Variants in STPG2 observed in about 807,000 individuals in gnomAD.
The protein encoded by STPG2 is sperm-tail PG-rich repeat-containing protein 2.
Under a neutral mutation model 54.2 loss-of-function variants are expected in STPG2, and 56 were observed. The observed-to-expected ratio is 1.03, with a 90% CI of 0.83 to 1.29. The LOEUF (loss-of-function observed/expected upper bound fraction) is 1.29, where lower values mean the gene tolerates loss of function less well. Among genes scored for constraint, STPG2 ranks in the 50% most tolerant of loss-of-function variants. STPG2 has a pLI of 0.00. For synonymous variants in STPG2, 200 were observed against 181.8 expected (o/e 1.10, Z -0.81); for missense variants, 596 against 544.9 (o/e 1.09, Z -0.93).
chr4:98,091,360 A>C (rs1443240592), intron 5 of STPG2, among the ~76,000 whole-genome samples: 1 of 151,966 alleles, frequency 6.6e-6, no homozygotes, highest in African/African-American at 2.4e-5. Flanking sequence ...CCGGCCCAAA[A>C]TCTCCTATAG....
chr4:97,894,465 A>G (rs1317515945), intron 8 of STPG2, among the ~76,000 whole-genome samples: 4 of 151,916 alleles, frequency 2.6e-5, no homozygotes, highest in Non-Finnish European at 4.4e-5. Flanking sequence ...TTTCTAAGAT[A>G]AGAAATTCCT....
chr4:97,982,064 T>C (rs1164048814), intron 5 of STPG2, among the ~76,000 whole-genome samples: 2 of 151,834 alleles, frequency 1.3e-5, no homozygotes, highest in Non-Finnish European at 2.9e-5. Flanking sequence ...TTTTGTATTT[T>C]TAGTAGAAAC....
chr4:97,513,739 G>A (rs1731019670), intron 4 of STPG2, among the ~76,000 whole-genome samples: 1 of 152,012 alleles, frequency 6.6e-6, no homozygotes, highest in Admixed American at 6.6e-5. Flanking sequence ...TCAAAGAAAA[G>A]GAAACTGAGT....
intron 1 of STPG2, among the ~76,000 whole-genome samples, chr4:98,142,148 A>G (rs1740312803): frequency 6.6e-6 from 1 of 152,210 alleles, no homozygotes; most frequent in Admixed American, 6.5e-5. Context: ...TAGTGATACC[A>G]GATACTGTGA....
At chr4:97,758,815 T>C (rs1327500560) in intron 9 of STPG2, among the ~76,000 whole-genome samples, 2 of 152,052 alleles carry the variant, frequency 1.3e-5, no homozygotes, top group Non-Finnish European at 2.9e-5. Context: ...AGACATTTGG[T>C]TTTATTTTGT....
At chr4:97,870,487 A>G (rs191434158) in intron 8 of STPG2, among the ~76,000 whole-genome samples, 1 of 151,616 alleles carries the variant, frequency 6.6e-6, no homozygotes, top group East Asian at 1.9e-4. Flanking sequence ...TGAAGCATGT[A>G]TACCAGGCAA....
intron 4 of STPG2, among the ~76,000 whole-genome samples, chr4:97,536,874 A>G (rs896787297): frequency 6.6e-6 from 1 of 152,166 alleles, no homozygotes; most frequent in African/African-American, 2.4e-5. Flanking sequence ...TGCTATAAAC[A>G]ATGAAGGGTG....
intron 6 of STPG2, among the ~76,000 whole-genome samples, chr4:97,973,941 G>C (rs1288500126): frequency 6.6e-6 from 1 of 152,194 alleles, no homozygotes; most frequent in African/African-American, 2.4e-5. Flanking sequence ...GGAGCTATGA[G>C]AAGAGGGCCA....
chr4:97,981,196 A>G lies in STPG2; in HGVS notation c.735T>C (p.Val245=), dbSNP rs776903037. The change falls in exon 6 of 11, where the codon GTT becomes GTC. Residue 245 remains valine, a synonymous_variant. Coordinates refer to ENST00000295268, the MANE Select transcript of STPG2 (RefSeq NM_174952.3). ...CTGTCCTGATGTCCTGTGTGAATCG[A>G]ACAGCACTTTGACCAAATGGAATAT... The part of the protein sequence containing the change: ...LKNIPFGQSA[V]RFTQDIRTEE... 3.1e-6 allele frequency: 5 copies of G among 1,614,046 alleles called. No homozygotes were observed. In the Admixed American group the frequency reaches 8.3e-5, roughly 27 times the overall value.
chr4:97,570,355 G>C (rs767849214), intron 10 of STPG2, among the ~76,000 whole-genome samples: 2 of 152,000 alleles, frequency 1.3e-5, no homozygotes, highest in Non-Finnish European at 2.9e-5. Context: ...CATTGGGGTG[G>C]CATGATGTAT....
intron 4 of STPG2, among the ~76,000 whole-genome samples, chr4:97,504,692 C>A (rs756859658): frequency 6.6e-6 from 1 of 151,936 alleles, no homozygotes. Flanking sequence ...AAATCACACA[C>A]AATGCAGCAG....
At chr4:97,627,273 A>C (rs1364099625) in intron 10 of STPG2, among the ~76,000 whole-genome samples, 3 of 152,134 alleles carry the variant, frequency 2.0e-5, no homozygotes, top group Non-Finnish European at 2.9e-5. Context: ...AAACAGATAA[A>C]AGATCACTGA....
intron 8 of STPG2, among the ~76,000 whole-genome samples, chr4:97,922,105 T>A (rs1435326302): frequency 6.6e-6 from 1 of 152,176 alleles, no homozygotes; most frequent in African/African-American, 2.4e-5. Context: ...AGCTGCATGA[T>A]GACTGAAGTT....
At chr4:97,608,332 C>A (rs1223651473) in intron 10 of STPG2, among the ~76,000 whole-genome samples, 1 of 151,674 alleles carries the variant, frequency 6.6e-6, no homozygotes, top group Non-Finnish European at 1.5e-5. Context: ...AGGTGCCTAA[C>A]TGATTAAAAA....
intron 10 of STPG2, among the ~76,000 whole-genome samples, chr4:97,694,076 T>C (rs993552888): frequency 3.3e-5 from 5 of 151,778 alleles, no homozygotes; most frequent in African/African-American, 7.3e-5. Context: ...AGAGCACAAA[T>C]AGACAATCTA....
intron 9 of STPG2, among the ~76,000 whole-genome samples, chr4:97,796,917 T>C (rs943251854): frequency 2.1e-4 from 32 of 152,148 alleles, no homozygotes; most frequent in Admixed American, 3.9e-4. Flanking sequence ...TCACATCCCT[T>C]GTAAGTTGGA....
rs551731446 is a variant in STPG2, at chr4:98,021,374, G to A, written c.613-40056C>T. On this transcript the variant is annotated intron_variant, in intron 5 of 10. Transcript: ENST00000295268. ...TGAGTTCTAGTTTGATTGCACTGTGGTCTGAGAGACAGTTCGTTATAATTT... is the reference window on the plus strand; with the variant it reads ...TGAGTTCTAGTTTGATTGCACTGTGATCTGAGAGACAGTTCGTTATAATTT... Among the ~76,000 whole-genome samples, 524 of 143,904 alleles carry A rather than the reference G, an allele frequency of 3.6e-3. 11 individuals carry two copies. The highest frequency in any genetic ancestry group is 4.1e-4 in the Non-Finnish European group (27 of 65,506). 94.4% of individuals were successfully genotyped at this position (143,904 alleles called of 152,430 possible). A position where few individuals can be genotyped will look rare whatever the true frequency, so the allele number is the denominator to read the frequency against.
intron 7 of STPG2, among the ~76,000 whole-genome samples, chr4:97,959,514 G>A (rs1733807716): frequency 6.6e-6 from 1 of 151,880 alleles, no homozygotes; most frequent in Non-Finnish European, 1.5e-5. Context: ...GAAACAAAAT[G>A]GGACATATTA....
At chr4:98,117,082 A>G (rs1425301642) in intron 3 of STPG2, among the ~76,000 whole-genome samples, 1 of 151,946 alleles carries the variant, frequency 6.6e-6, no homozygotes, top group Non-Finnish European at 1.5e-5. Context: ...ATAACATTTC[A>G]TTTCAGCCTG....
Sources: gnomAD v4.1 joint callset for allele counts (sites outside exome capture counted in the v4.1 genomes callset) on GRCh38, gnomAD v4.1.1 for gene constraint, MANE v1.5 for transcripts, NCBI Gene and HGNC (gene_info 2026-07-23, HGNC 2026-07-21) for gene names.